CAP2: variants seen among roughly 807,000 people sequenced by gnomAD.
The protein encoded by CAP2 is adenylyl cyclase-associated protein 2.
Under a neutral mutation model 57.7 loss-of-function variants are expected in CAP2, and 24 were observed. The observed-to-expected ratio is 0.42, with a 90% CI of 0.30 to 0.58. The LOEUF (loss-of-function observed/expected upper bound fraction) is 0.58. CAP2 is among the 20% of genes least tolerant of loss of function. The pLI is 0.22. For missense variants in CAP2, 501 were observed against 590.3 expected (o/e 0.85, Z 1.57); for synonymous variants, 194 against 207.2 (o/e 0.94, Z 0.55).
chr6:17,474,185 CTTTTT>C (rs544909381), intron 4 of CAP2, among the ~76,000 whole-genome samples: 24 of 93,212 alleles, frequency 2.6e-4, no homozygotes, highest in African/African-American at 8.2e-4. Context: ...AAAAAACAGT[CTTTTT>C]TTTTTTTTTT....
intron 4 of CAP2, among the ~76,000 whole-genome samples, chr6:17,469,457 G>A (rs1365941606): frequency 2.6e-5 from 4 of 151,862 alleles, no homozygotes; most frequent in Non-Finnish European, 5.9e-5. Flanking sequence ...TATTTGCATG[G>A]AATCAATATG....
chr6:17,439,058 T>C (rs1190395193), intron 3 of CAP2, among the ~76,000 whole-genome samples: 1 of 150,320 alleles, frequency 6.7e-6, no homozygotes, highest in East Asian at 2.0e-4. Context: ...TTGCAATGAA[T>C]CAAGATTGTG....
At chr6:17,442,491 C>T (rs1760112706) in intron 3 of CAP2, among the ~76,000 whole-genome samples, 1 of 152,142 alleles carries the variant, frequency 6.6e-6, no homozygotes, top group African/African-American at 2.4e-5. Context: ...CCCTTGGGTA[C>T]CTCTTCACTT....
chr6:17,536,317 A>C (rs1294187497), intron 7 of CAP2: 1 of 456,496 alleles, frequency 2.2e-6, no homozygotes, highest in African/African-American at 2.0e-5. Context: ...ACATCTAATC[A>C]GTTTGATTTC....
intron 11 of CAP2, 124 bp from the exon 12 acceptor site, chr6:17,551,340 C>T (rs1049138161): frequency 1.0e-4 from 72 of 721,562 alleles, no homozygotes; most frequent in Admixed American, 3.0e-4. Context: ...CAGCTTTGAC[C>T]CAGTGAATTC....
chr6:17,529,460 T>C (rs1377484394), intron 7 of CAP2, among the ~76,000 whole-genome samples: 1 of 151,742 alleles, frequency 6.6e-6, no homozygotes, highest in Non-Finnish European at 1.5e-5. Flanking sequence ...GCTAACATGG[T>C]AAAACCCCAT....
intron 4 of CAP2, among the ~76,000 whole-genome samples, chr6:17,481,474 T>C (rs968685387): frequency 2.6e-5 from 4 of 152,248 alleles, no homozygotes; most frequent in African/African-American, 9.6e-5. Flanking sequence ...CTTCAGCTGT[T>C]CATTATTTGT....
At chr6:17,525,450 C>T (rs1374985991) in intron 7 of CAP2, among the ~76,000 whole-genome samples, 1 of 147,608 alleles carries the variant, frequency 6.8e-6, no homozygotes, top group African/African-American at 2.5e-5. Context: ...GCCTGGGTGA[C>T]AGAGCAAGAT....
chr6:17,411,985 C>T (rs904244540), intron 1 of CAP2, among the ~76,000 whole-genome samples: 3 of 152,156 alleles, frequency 2.0e-5, no homozygotes, highest in African/African-American at 7.2e-5. Context: ...GTTTCTATCT[C>T]GTGTTTAGCT....
chr6:17,454,466 GC>G (rs1177177116), intron 3 of CAP2, among the ~76,000 whole-genome samples: 1 of 152,258 alleles, frequency 6.6e-6, no homozygotes, highest in Non-Finnish European at 1.5e-5. Flanking sequence ...TCGGCCTGCA[GC>G]CTCTGCTCCC....
chr6:17,509,777 A>AGCATTATT (rs1361793270), intron 6 of CAP2, among the ~76,000 whole-genome samples: 1 of 152,080 alleles, frequency 6.6e-6, no homozygotes, highest in African/African-American at 2.4e-5. Context: ...TATTCATTGC[A>AGCATTATT]GCATTATTCA....
At chr6:17,429,704 G>T (rs1165560839) in intron 3 of CAP2, among the ~76,000 whole-genome samples, 1 of 152,096 alleles carries the variant, frequency 6.6e-6, no homozygotes, top group African/African-American at 2.4e-5. Flanking sequence ...GGAAGGAAAA[G>T]AATAGAAGAC....
intron 3 of CAP2, among the ~76,000 whole-genome samples, chr6:17,442,652 C>T (rs553594942): frequency 1.3e-5 from 2 of 152,048 alleles, no homozygotes; most frequent in East Asian, 3.9e-4. Flanking sequence ...TTTTTAGAGG[C>T]CAAGTGGGGG....
Position 17,482,507 on chromosome 6 carries a change from C to CAA in CAP2, c.300+19465_300+19466dup, listed in dbSNP as rs60053497. Among the ~76,000 whole-genome samples the CAA allele has an allele frequency of 4.5e-3, 315 of 70,774 alleles. 5 individuals are homozygous for CAA. The highest frequency in any genetic ancestry group is 8.9e-3 in the Middle Eastern group (1 of 112). The allele number at this position is 70,774 out of a possible 152,430, so 46.4% of individuals were successfully genotyped here. A position where few individuals can be genotyped will look rare whatever the true frequency, so the allele number is the denominator to read the frequency against. ...CTGGTGAGAGAGCGAGACTCCATCT[C>CAA]AAAAAAAAAAAAAAAAAAAAAAAAA... On this transcript the variant is annotated intron_variant, in intron 4 of 12. Coordinates refer to ENST00000229922, the MANE Select transcript of CAP2 (RefSeq NM_006366.3).
chr6:17,399,496 T>C (rs1758755762), intron 1 of CAP2, among the ~76,000 whole-genome samples: 1 of 152,202 alleles, frequency 6.6e-6, no homozygotes, highest in African/African-American at 2.4e-5. Flanking sequence ...CCTTTCAGTA[T>C]ACAGCCCTAT....
intron 7 of CAP2, among the ~76,000 whole-genome samples, chr6:17,516,938 T>TG (rs1341503040): frequency 5.3e-5 from 8 of 152,212 alleles, no homozygotes; most frequent in East Asian, 1.9e-4. Context: ...CTAAGCGGAT[T>TG]GTTTTTTTTT....
intron 4 of CAP2, among the ~76,000 whole-genome samples, chr6:17,480,385 A>G (rs989308055): frequency 6.6e-6 from 1 of 152,228 alleles, no homozygotes; most frequent in African/African-American, 2.4e-5. Flanking sequence ...TAACAGGTGT[A>G]GTGTATTCCA....
chr6:17,434,257 C>T (rs1759816009), intron 3 of CAP2, among the ~76,000 whole-genome samples: 1 of 140,222 alleles, frequency 7.1e-6, no homozygotes, highest in African/African-American at 2.9e-5. Context: ...GAGACAGAGT[C>T]TCACTCTGTT....
chr6:17,498,474 T>C (rs1426186388), intron 4 of CAP2, among the ~76,000 whole-genome samples: 2 of 152,206 alleles, frequency 1.3e-5, no homozygotes, highest in Non-Finnish European at 2.9e-5. Flanking sequence ...GCAAGTGTAT[T>C]GTTCTACCTT....
Sources: gnomAD v4.1 joint callset for allele counts (sites outside exome capture counted in the v4.1 genomes callset) on GRCh38, gnomAD v4.1.1 for gene constraint, MANE v1.5 for transcripts, NCBI Gene and HGNC (gene_info 2026-07-23, HGNC 2026-07-21) for gene names.